PDZRN4: variants seen among roughly 807,000 people sequenced by gnomAD.
PDZRN4 encodes the protein PDZ domain containing ring finger 4.
In PDZRN4, 70 loss-of-function variants were observed where a neutral mutation model predicts 99.0. That is an observed-to-expected ratio of 0.71 (90% CI 0.58 to 0.86). PDZRN4 has a LOEUF of 0.86. Ranked by LOEUF, PDZRN4 falls within the 40% of genes least tolerant of loss-of-function variation. PDZRN4 has a pLI of 0.00. For synonymous variants in PDZRN4, 551 were observed against 501.6 expected (o/e 1.10, Z -1.32); for missense variants, 1,474 against 1,331.2 (o/e 1.11, Z -1.67).
intron 3 of PDZRN4, among the ~76,000 whole-genome samples, chr12:41,469,763 C>G (rs554334933): frequency 6.6e-6 from 1 of 151,962 alleles, no homozygotes; most frequent in Admixed American, 6.6e-5. Context: ...AACCCCGTCT[C>G]TACTAAAAAT....
chr12:41,446,926 A>T (rs921054078), intron 3 of PDZRN4, among the ~76,000 whole-genome samples: 4 of 149,530 alleles, frequency 2.7e-5, no homozygotes, highest in Non-Finnish European at 4.4e-5. Context: ...GATGTCCAGG[A>T]TGTATTGTAA....
intron 3 of PDZRN4, among the ~76,000 whole-genome samples, chr12:41,428,785 A>G (rs145418514): frequency 6.5e-4 from 99 of 152,292 alleles, no homozygotes; most frequent in African/African-American, 2.3e-3. Context: ...GAAACTCCAG[A>G]CGCTCATGAG....
chr12:41,287,107 A>G (rs566490036), intron 3 of PDZRN4, among the ~76,000 whole-genome samples: 2 of 152,320 alleles, frequency 1.3e-5, no homozygotes, highest in Middle Eastern at 3.4e-3. Context: ...ATTGTCTCCA[A>G]GCATTATTTA....
At chr12:41,305,892 A>G (rs917136114) in intron 3 of PDZRN4, among the ~76,000 whole-genome samples, 12 of 152,186 alleles carry the variant, frequency 7.9e-5, no homozygotes, top group African/African-American at 2.9e-4. Context: ...TCTAAATATC[A>G]TCTATGTCAG....
At chr12:41,307,821 A>G (rs1389397835) in intron 3 of PDZRN4, among the ~76,000 whole-genome samples, 2 of 152,116 alleles carry the variant, frequency 1.3e-5, no homozygotes, top group Non-Finnish European at 2.9e-5. Flanking sequence ...TGTGTCAACC[A>G]TTGGTATAAT....
intron 3 of PDZRN4, among the ~76,000 whole-genome samples, chr12:41,490,630 C>G (rs1002913887): frequency 6.6e-6 from 1 of 152,040 alleles, no homozygotes; most frequent in Admixed American, 6.5e-5. Flanking sequence ...TTATCTCCCC[C>G]ACAGGAGCAC....
At chr12:41,476,007 C>A (rs1289864224) in intron 3 of PDZRN4, among the ~76,000 whole-genome samples, 1 of 152,134 alleles carries the variant, frequency 6.6e-6, no homozygotes, top group Non-Finnish European at 1.5e-5. Flanking sequence ...TAGCACCCAG[C>A]AAACCTCCAT....
chr12:41,570,189 T>C (rs1939449442), intron 9 of PDZRN4, among the ~76,000 whole-genome samples: 2 of 152,164 alleles, frequency 1.3e-5, no homozygotes, highest in Non-Finnish European at 2.9e-5. Context: ...ATTTTTTTCT[T>C]CACCATGAGA....
rs369926806 is a variant in PDZRN4 at position 41,339,366 on chromosome 12, T to A, written c.843+145178T>A. On this transcript the variant is annotated intron_variant, in intron 3 of 9. Coordinates refer to ENST00000402685, the MANE Select transcript of PDZRN4 (RefSeq NM_001164595.2). ...ACTAAATGGTGCTGGGAAACTTGGA[T>A]ATCCATATGCAAAAGAATAAAGCTA... 1.8e-4 allele frequency among the ~76,000 whole-genome samples: 27 copies of A among 152,206 alleles called. No individual in the cohort carries two copies. The South Asian group carries it at 4.6e-3, about 26-fold the overall frequency.
chr12:41,339,084 A>G (rs1951796705), intron 3 of PDZRN4, among the ~76,000 whole-genome samples: 2 of 151,672 alleles, frequency 1.3e-5, no homozygotes, highest in South Asian at 2.1e-4. Flanking sequence ...TAAAATTTAT[A>G]TGGAACCACA....
Position 41,352,109 on chromosome 12 carries a change from C to A in PDZRN4, c.844-154347C>A, listed in dbSNP as rs531968795. On this transcript the variant is annotated intron_variant, in intron 3 of 9. Coordinates refer to ENST00000402685, the MANE Select transcript of PDZRN4 (RefSeq NM_001164595.2). ...AAAAGTGGGGATGTATTGGATTACA[C>A]CGTGTGGTCATGTAAGATACTTTCT... Among the ~76,000 whole-genome samples, 265 of 152,094 alleles carry A rather than the reference C, an allele frequency of 1.7e-3. 2 individuals carry two copies. The highest frequency in any genetic ancestry group is 6.1e-3 in the African/African-American group (252 of 41,496).
chr12:41,384,259 C>T (rs1254801804), intron 3 of PDZRN4, among the ~76,000 whole-genome samples: 2 of 152,160 alleles, frequency 1.3e-5, no homozygotes, highest in Admixed American at 6.5e-5. Context: ...TTTCCATTCA[C>T]TCTGGAGACT....
At chr12:41,402,793 A>G (rs1180107457) in intron 3 of PDZRN4, among the ~76,000 whole-genome samples, 1 of 151,184 alleles carries the variant, frequency 6.6e-6, no homozygotes, top group Non-Finnish European at 1.5e-5. Context: ...TAAGAAAACA[A>G]TCCAAAAGAA....
At chr12:41,557,607 G>A (rs1203411050) in intron 7 of PDZRN4, among the ~76,000 whole-genome samples, 3 of 151,878 alleles carry the variant, frequency 2.0e-5, no homozygotes, top group Admixed American at 1.3e-4. Context: ...TCTCTCCCTT[G>A]TTCAGGACAA....
At chr12:41,304,876 A>G (rs925845022) in intron 3 of PDZRN4, among the ~76,000 whole-genome samples, 2 of 152,232 alleles carry the variant, frequency 1.3e-5, no homozygotes, top group African/African-American at 4.8e-5. Context: ...AACATACTAC[A>G]TAACTGCATA....
At chr12:41,443,698 C>T (rs952247836) in intron 3 of PDZRN4, among the ~76,000 whole-genome samples, 4 of 151,958 alleles carry the variant, frequency 2.6e-5, no homozygotes, top group African/African-American at 7.3e-5. Context: ...AAAAGTGAGG[C>T]CTACTAGGAG....
intron 3 of PDZRN4, among the ~76,000 whole-genome samples, chr12:41,504,942 G>A (rs190645486): frequency 1.3e-5 from 2 of 152,118 alleles, no homozygotes; most frequent in Non-Finnish European, 2.9e-5. Flanking sequence ...AAGCTTAATT[G>A]CTCATTTTTT....
intron 3 of PDZRN4, among the ~76,000 whole-genome samples, chr12:41,501,328 G>T (rs1938105526): frequency 6.6e-6 from 1 of 152,058 alleles, no homozygotes; most frequent in Non-Finnish European, 1.5e-5. Flanking sequence ...ATCAAAAAAG[G>T]CTGTTTGTTT....
intron 5 of PDZRN4, among the ~76,000 whole-genome samples, chr12:41,541,181 T>G (rs1264629712): frequency 1.3e-5 from 2 of 151,650 alleles, no homozygotes; most frequent in African/African-American, 4.8e-5. Context: ...CCGCCCACCT[T>G]GGCCTTCCAA....
Sources: allele counts gnomAD v4.1 joint callset (sites outside exome capture counted in the v4.1 genomes callset), GRCh38; gene constraint gnomAD v4.1.1; transcripts MANE v1.5; gene names NCBI Gene and HGNC (gene_info 2026-07-23, HGNC 2026-07-21).